KPNA3: variants seen among roughly 807,000 people sequenced by gnomAD.
The protein encoded by KPNA3 is importin subunit alpha-4.
In KPNA3, 13 loss-of-function variants were observed where a neutral mutation model predicts 73.8. That is an observed-to-expected ratio of 0.18 (90% CI 0.11 to 0.28). KPNA3 has a LOEUF of 0.28. KPNA3 is among the 10% of genes least tolerant of loss of function. KPNA3 has a pLI of 1.00. For synonymous variants in KPNA3, 186 were observed against 206.9 expected (o/e 0.90, Z 0.87); for missense variants, 360 against 618.1 (o/e 0.58, Z 4.43).
intron 1 of KPNA3, among the ~76,000 whole-genome samples, chr13:49,791,234 G>A (rs1955030413): frequency 6.6e-6 from 1 of 152,116 alleles, no homozygotes; most frequent in Non-Finnish European, 1.5e-5. Context: ...CTTAAGACAG[G>A]ATAAAACACA....
At chr13:49,781,092 A>G (rs1197008439) in intron 1 of KPNA3, among the ~76,000 whole-genome samples, 2 of 152,106 alleles carry the variant, frequency 1.3e-5, no homozygotes, top group African/African-American at 4.8e-5. Flanking sequence ...CCCAAGATTT[A>G]CCATAAATAC....
At chr13:49,720,283 C>A (rs1180295855) in intron 9 of KPNA3, among the ~76,000 whole-genome samples, 1 of 152,178 alleles carries the variant, frequency 6.6e-6, no homozygotes, top group East Asian at 1.9e-4. Context: ...TTCAACTTCA[C>A]CTTTAGTCAA....
intron 1 of KPNA3, among the ~76,000 whole-genome samples, chr13:49,754,649 CAAA>C (rs920184520): frequency 3.7e-5 from 5 of 136,772 alleles, no homozygotes; most frequent in Non-Finnish European, 6.3e-5. Flanking sequence ...GCAGACTGGC[CAAA>C]AAAAAAGAGA....
At chr13:49,782,974 G>A (rs1174949111) in intron 1 of KPNA3, among the ~76,000 whole-genome samples, 1 of 152,020 alleles carries the variant, frequency 6.6e-6, no homozygotes, top group Non-Finnish European at 1.5e-5. Flanking sequence ...TAAATATGCT[G>A]ACAGTATCAA....
intron 6 of KPNA3, 44 bp from the exon 7 acceptor site, chr13:49,725,545 A>G (rs1251751518): frequency 8.5e-7 from 1 of 1,178,644 alleles, no homozygotes; most frequent in Non-Finnish European, 1.3e-6. Flanking sequence ...CATAACTACC[A>G]CTTAAATTAA....
At chr13:49,729,703 C>A (rs1954444188) in intron 6 of KPNA3, among the ~76,000 whole-genome samples, 1 of 152,138 alleles carries the variant, frequency 6.6e-6, no homozygotes, top group African/African-American at 2.4e-5. Flanking sequence ...TGGCGTGAAC[C>A]CAGGAAGCGG....
At chr13:49,737,799 A>AT (rs1954538125) in intron 2 of KPNA3, among the ~76,000 whole-genome samples, 1 of 152,076 alleles carries the variant, frequency 6.6e-6, no homozygotes, top group Non-Finnish European at 1.5e-5. Flanking sequence ...CTGAGAGTTC[A>AT]TTGTATGTGC....
intron 15 of KPNA3, among the ~76,000 whole-genome samples, chr13:49,704,757 T>C (rs1031749259): frequency 6.6e-6 from 1 of 152,152 alleles, no homozygotes; most frequent in Non-Finnish European, 1.5e-5. Flanking sequence ...TCATTAAAAT[T>C]TCAAAGTAAC....
At chr13:49,703,188 T>C (rs559224643) in intron 15 of KPNA3, among the ~76,000 whole-genome samples, 4 of 140,904 alleles carry the variant, frequency 2.8e-5, no homozygotes, top group African/African-American at 1.0e-4. Context: ...TCTTTCTTTT[T>C]TTTTTTTTTT....
intron 10 of KPNA3, among the ~76,000 whole-genome samples, chr13:49,713,431 C>T (rs1470972593): frequency 1.3e-5 from 2 of 151,720 alleles, no homozygotes; most frequent in African/African-American, 4.8e-5. Context: ...ATATATTGAA[C>T]TTTATACCCT....
intron 7 of KPNA3, 66 bp from the exon 8 acceptor site, chr13:49,722,629 A>ATTTCTTTG: frequency 3.0e-6 from 3 of 996,950 alleles, no homozygotes; most frequent in Non-Finnish European, 4.6e-6. Flanking sequence ...TTTCAGATCA[A>ATTTCTTTG]AGAAATTGAT....
chr13:49,699,485 T>TA lies in KPNA3; in HGVS notation c.*2314dup, dbSNP rs1209775167. On this transcript the variant is annotated 3_prime_UTR_variant, in exon 17 of 17. Transcript: ENST00000261667. ...ATTTTTAAACACTGTTTTGAAAACT[T>TA]AAAAGTGCAGCAATATACTTAGTTT... 1 of 152,600 alleles carries TA rather than the reference T, an allele frequency of 6.6e-6. No homozygotes were observed. The highest frequency in any genetic ancestry group is 1.5e-5 in the Non-Finnish European group (1 of 68,026). The allele number at this position is 152,600 out of a possible 1,614,324, so 9.5% of individuals were successfully genotyped here.
At chr13:49,705,568 AT>A (rs1954199946) in intron 15 of KPNA3, 52 bp downstream of exon 15, 10 of 1,558,186 alleles carry the variant, frequency 6.4e-6, no homozygotes, top group Non-Finnish European at 8.7e-6. Flanking sequence ...TAAAGAACTT[AT>A]GTTTCAGAGT....
intron 2 of KPNA3, among the ~76,000 whole-genome samples, chr13:49,738,378 A>G (rs977611708): frequency 6.6e-6 from 1 of 152,176 alleles, no homozygotes; most frequent in Non-Finnish European, 1.5e-5. Context: ...ATGTCTATCT[A>G]TGTCCACAAA....
chr13:49,775,016 T>C (rs544290921), intron 1 of KPNA3, among the ~76,000 whole-genome samples: 6 of 152,070 alleles, frequency 3.9e-5, no homozygotes, highest in South Asian at 2.1e-4. Flanking sequence ...TTGCCACTTA[T>C]GGTGGCACAC....
At chr13:49,785,449 G>GA (rs1450037040) in intron 1 of KPNA3, among the ~76,000 whole-genome samples, 8 of 152,204 alleles carry the variant, frequency 5.3e-5, no homozygotes, top group African/African-American at 1.2e-4. Flanking sequence ...ACAGAAAAAA[G>GA]AAAAAACAAA....
intron 2 of KPNA3, among the ~76,000 whole-genome samples, 172 bp downstream of exon 2, chr13:49,746,777 T>C (rs1314333267): frequency 6.6e-6 from 1 of 152,200 alleles, no homozygotes; most frequent in Non-Finnish European, 1.5e-5. Context: ...CAGGGCCTAG[T>C]ACCCTCAGTA....
intron 2 of KPNA3, among the ~76,000 whole-genome samples, chr13:49,742,905 A>C (rs1566347531): frequency 2.0e-5 from 3 of 152,142 alleles, no homozygotes; most frequent in African/African-American, 7.2e-5. Flanking sequence ...ACATGACTTA[A>C]ATATAAGTGC....
Position 49,702,436 on chromosome 13 carries a change from T to A in KPNA3, c.1417A>T (p.Ile473Leu), listed in dbSNP as rs769999851. The change falls in exon 16 of 17, where the codon ATA (isoleucine) becomes TTA (leucine). Residue 473 changes from isoleucine (I) to leucine (L), a missense_variant. By Grantham distance (5) the Ile-to-Leu change is conservative. Around this residue, in one of 3 missense-constraint regions of KPNA3, gnomAD observed 287 missense variants for 549.1 expected, o/e 0.52. Coordinates refer to ENST00000261667, the MANE Select transcript of KPNA3 (RefSeq NM_002267.4). ...EVLQQHENED[I>L]YKLAFEIIDQ... is the part of the protein sequence containing the mutation. ...ATGATTTCAAATGCTAATTTATATA[T>A]GTCTTCATTTTCATGTTGCTGTAAA... 20 of 1,557,562 alleles carry A rather than the reference T, an allele frequency of 1.3e-5. No individual in the cohort carries two copies. The South Asian group carries it at 2.3e-4, about 18-fold the overall frequency.
Sources: gnomAD v4.1 joint callset for allele counts (sites outside exome capture counted in the v4.1 genomes callset) on GRCh38, gnomAD v4.1.1 for gene constraint, gnomAD v4.1.1 regional missense constraint, MANE v1.5 for transcripts, NCBI Gene and HGNC (gene_info 2026-07-23, HGNC 2026-07-21) for gene names.